Variants in ATP5MC2 observed in about 807,000 individuals in gnomAD.
ATP5MC2 encodes ATP synthase membrane subunit c locus 2.
In ATP5MC2, 11 loss-of-function variants were observed where a neutral mutation model predicts 13.5. The observed-to-expected ratio is 0.81, with a 90% CI of 0.51 to 1.35. The LOEUF is 1.35. Among genes scored for constraint, ATP5MC2 ranks in the 40% most tolerant of loss-of-function variants. The pLI is 0.00. For missense variants in ATP5MC2, 132 were observed against 175.0 expected (o/e 0.75, Z 1.39); for synonymous variants, 64 against 69.7 (o/e 0.92, Z 0.41).
intron 1 of ATP5MC2, 29 bp downstream of exon 1, chr12:53,676,024 A>T: frequency 6.2e-7 from 1 of 1,608,342 alleles, no homozygotes; most frequent in Non-Finnish European, 8.5e-7. Flanking sequence ...TGCGCAGCGC[A>T]CAGAGGGCTC....
At chr12:53,681,216 A>G (rs959907340), upstream of ATP5MC2, among the ~76,000 whole-genome samples, 2 of 151,394 alleles carry the variant, frequency 1.3e-5, no homozygotes, top group African/African-American at 4.9e-5. Context: ...GCACGCCCTA[A>G]TTTAAGAAAA....
At chr12:53,666,577 CA>C (rs1337687568) in intron 4 of ATP5MC2, among the ~76,000 whole-genome samples, 1,862 of 120,482 alleles carry the variant, frequency 0.015, 20 homozygotes, top group African/African-American at 0.035. Context: ...GACTCTGTCT[CA>C]AAAAAAAAAA....
chr12:53,676,407 A>C (rs1003393537), upstream of ATP5MC2: 42 of 612,122 alleles, frequency 6.9e-5, no homozygotes, highest in Middle Eastern at 9.0e-4. Context: ...CACTGCCAAA[A>C]CAAAACTCCT....
At chr12:53,666,921 G>A (rs1007787028) in intron 4 of ATP5MC2, among the ~76,000 whole-genome samples, 9 of 146,910 alleles carry the variant, frequency 6.1e-5, no homozygotes, top group Non-Finnish European at 1.3e-4. Context: ...ACTTCAGTCT[G>A]GGAGACAGCG....
Position 53,672,135 on chromosome 12 carries a change from G to T in ATP5MC2, c.39+441C>A, listed in dbSNP as rs73303255. Among the ~76,000 whole-genome samples, 923 of 146,638 alleles carry T rather than the reference G, an allele frequency of 6.3e-3. 12 individuals carry two copies. The highest frequency in any genetic ancestry group is 0.022 in the African/African-American group (886 of 39,412). On this transcript the variant is annotated intron_variant, in intron 2 of 4. Transcript: ENST00000394349. The stretch of plus-strand genomic sequence containing the variant: ...CTGGCCGCCAAGGGATATGGGGCAG[G>T]AGAGTATCTAGCAAGCATTCACTCT...
upstream of ATP5MC2, chr12:53,676,543 G>A (rs989503789): frequency 2.7e-5 from 6 of 225,248 alleles, no homozygotes; most frequent in African/African-American, 4.5e-5. Flanking sequence ...ATGGCAAACC[G>A]GCTCCATGGG....
chr12:53,671,404 C>G (rs539900821), intron 2 of ATP5MC2, among the ~76,000 whole-genome samples: 39 of 152,284 alleles, frequency 2.6e-4, no homozygotes, highest in African/African-American at 8.9e-4. Flanking sequence ...AATGGTACTC[C>G]TTTTTATTTG....
upstream of ATP5MC2, among the ~76,000 whole-genome samples, chr12:53,678,932 G>T (rs1054792528): frequency 2.0e-5 from 3 of 152,264 alleles, no homozygotes; most frequent in East Asian, 5.8e-4. Context: ...CTGGTTGGCA[G>T]CCTCCCTGCC....
At chr12:53,677,381 C>A (rs1049852518), upstream of ATP5MC2, 1 of 152,358 alleles carries the variant, frequency 6.6e-6, no homozygotes, top group Middle Eastern at 3.4e-3. Flanking sequence ...GGACCCCGAG[C>A]GACGCCATTA....
chr12:53,665,595 A>C (rs2138009457), intron 4 of ATP5MC2, among the ~76,000 whole-genome samples, 167 bp from the exon 5 acceptor site: 1 of 152,306 alleles, frequency 6.6e-6, no homozygotes, highest in African/African-American at 2.4e-5. Context: ...GATTCCCCAA[A>C]GGCTCTACAG....
At chr12:53,672,902 C>T in intron 1 of ATP5MC2, 1 of 391,972 alleles carries the variant, frequency 2.6e-6, no homozygotes, top group Non-Finnish European at 4.6e-6. Flanking sequence ...GACCTGTTAC[C>T]CATTTCCATA....
Position 53,665,309 on chromosome 12 carries a change from C to T in ATP5MC2, c.*5G>A. Reference sequence around the variant, plus strand: ...GGAGAACTATGGGAGGTGGAGACGGCTCCTTCACATGGCAAAGAGGATGAG... The same window carrying T: ...GGAGAACTATGGGAGGTGGAGACGGTTCCTTCACATGGCAAAGAGGATGAG... On this transcript the variant is annotated 3_prime_UTR_variant, in exon 5 of 5. Coordinates refer to ENST00000394349, the MANE Select transcript of ATP5MC2 (RefSeq NM_005176.7). 1 of 1,606,934 alleles carries T rather than the reference C, an allele frequency of 6.2e-7. No homozygotes were observed.
upstream of ATP5MC2, chr12:53,676,584 C>T (rs539931434): frequency 4.9e-6 from 1 of 203,908 alleles, no homozygotes; most frequent in East Asian, 1.3e-4. Context: ...GCAGCTGCTT[C>T]TGGTGGCTTC....
In ATP5MC2 at chr12:53,673,819, C is replaced by CAA. The variant is rs371072145; in HGVS notation, c.-31-1176_-31-1175dup. On this transcript the variant is annotated intron_variant, in intron 1 of 4. Transcript: ENST00000394349. ...CTGGGCAACAAGAGGGAAACTGTCT[C>CAA]AAAAAAAAAAAAAAAAGTATTAAAT... 9.4e-3 allele frequency: 1,234 copies of CAA among 130,608 alleles called. 12 individuals carry two copies. The highest frequency in any genetic ancestry group is 0.027 in the African/African-American group (964 of 35,270). 8.1% of individuals were successfully genotyped at this position (130,608 alleles called of 1,614,324 possible).
At chr12:53,681,390 G>A (rs1019926297), upstream of ATP5MC2, among the ~76,000 whole-genome samples, 25 of 151,236 alleles carry the variant, frequency 1.7e-4, 2 homozygotes, top group African/African-American at 4.9e-4. Flanking sequence ...GCTGGGCATG[G>A]TGGTGGGCAC....
chr12:53,679,788 C>T (rs1945331309), upstream of ATP5MC2, among the ~76,000 whole-genome samples: 1 of 152,138 alleles, frequency 6.6e-6, no homozygotes, highest in Non-Finnish European at 1.5e-5. Flanking sequence ...AATCAATTCC[C>T]TAAGACATCA....
intron 1 of ATP5MC2, among the ~76,000 whole-genome samples, chr12:53,675,450 C>A (rs17708042): frequency 0.13 from 19,705 of 152,202 alleles, 1,338 homozygotes; most frequent in Admixed American, 0.2. Context: ...GATTCCAAAG[C>A]AACCAGCCTC....
intron 1 of ATP5MC2, chr12:53,673,895 T>C (rs1435707108): frequency 6.4e-6 from 1 of 155,286 alleles, no homozygotes; most frequent in East Asian, 1.9e-4. Context: ...GGTATCTAAG[T>C]TGGTAGAAGT....
intron 4 of ATP5MC2, among the ~76,000 whole-genome samples, chr12:53,667,956 C>CACACACATATAT (rs1390194186): frequency 1.5e-5 from 1 of 67,364 alleles, no homozygotes; most frequent in African/African-American, 4.7e-5. Context: ...CATACACACA[C>CACACACATATAT]ATATATATAT....
Sources: gnomAD v4.1 joint callset for allele counts (sites outside exome capture counted in the v4.1 genomes callset) on GRCh38, gnomAD v4.1.1 for gene constraint, MANE v1.5 for transcripts, NCBI Gene and HGNC (gene_info 2026-07-23, HGNC 2026-07-21) for gene names.